Variants in CTNNA2 observed in about 807,000 individuals in gnomAD.
The protein encoded by CTNNA2 is catenin alpha-2.
A neutral mutation model predicts 101.0 loss-of-function variants in CTNNA2; 42 were observed. The observed-to-expected ratio is 0.42, with a 90% CI of 0.32 to 0.54. The LOEUF is 0.54. Among genes scored for constraint, CTNNA2 ranks in the 20% least tolerant of loss-of-function variants. CTNNA2 has a pLI of 0.14. For missense variants in CTNNA2, 871 were observed against 1,223.1 expected (o/e 0.71, Z 4.29); for synonymous variants, 450 against 456.4 (o/e 0.99, Z 0.18).
At chr2:79,220,253 T>C (rs543885767) in intron 2 of CTNNA2, among the ~76,000 whole-genome samples, 58 of 151,922 alleles carry the variant, frequency 3.8e-4, no homozygotes, top group African/African-American at 1.3e-3. Context: ...ATTCAAAGGG[T>C]GGGAAAATTA....
At chr2:79,936,467 G>T (rs916277805) in intron 7 of CTNNA2, among the ~76,000 whole-genome samples, 3 of 151,758 alleles carry the variant, frequency 2.0e-5, no homozygotes, top group Non-Finnish European at 4.4e-5. Context: ...TCCTCCTCTT[G>T]GCTCTTGCCT....
chr2:80,506,769 T>G (rs1688310982), intron 9 of CTNNA2, among the ~76,000 whole-genome samples: 1 of 152,120 alleles, frequency 6.6e-6, no homozygotes, highest in Admixed American at 6.6e-5. Flanking sequence ...GTGGGAGGGA[T>G]GGACAAGAGT....
chr2:79,964,307 C>T (rs530122371), intron 7 of CTNNA2, among the ~76,000 whole-genome samples: 2 of 152,152 alleles, frequency 1.3e-5, no homozygotes, highest in Middle Eastern at 3.4e-3. Flanking sequence ...TCATTTTTCA[C>T]ATGAGACAAC....
At chr2:80,237,102 C>T (rs1275389584) in intron 7 of CTNNA2, among the ~76,000 whole-genome samples, 2 of 152,102 alleles carry the variant, frequency 1.3e-5, no homozygotes, top group African/African-American at 2.4e-5. Flanking sequence ...TAACCTCATC[C>T]TTAGATCAGA....
chr2:80,411,901 T>C (rs7596244), intron 8 of CTNNA2, among the ~76,000 whole-genome samples: 6,209 of 152,304 alleles, frequency 0.041, 311 homozygotes, highest in African/African-American at 0.12. Context: ...ATTGCTATTA[T>C]GAAATATTAA....
At chr2:80,189,160 G>T (rs1167094758) in intron 7 of CTNNA2, among the ~76,000 whole-genome samples, 3 of 151,892 alleles carry the variant, frequency 2.0e-5, no homozygotes, top group Non-Finnish European at 4.4e-5. Flanking sequence ...CACCATGTTG[G>T]CCTGGCTGGT....
chr2:79,773,993 T>C (rs184767698), intron 3 of CTNNA2, among the ~76,000 whole-genome samples: 14 of 152,252 alleles, frequency 9.2e-5, no homozygotes, highest in Non-Finnish European at 1.6e-4. Flanking sequence ...TGCTACACCT[T>C]CCCCCATGAT....
chr2:80,627,340 A>T (rs2149820552), intron 18 of CTNNA2, among the ~76,000 whole-genome samples: 1 of 152,318 alleles, frequency 6.6e-6, no homozygotes, highest in East Asian at 1.9e-4. Context: ...CCAACATTGT[A>T]AAAGCGTTCC....
intron 7 of CTNNA2, among the ~76,000 whole-genome samples, chr2:79,952,692 G>A (rs959123967): frequency 6.6e-6 from 1 of 152,186 alleles, no homozygotes; most frequent in Non-Finnish European, 1.5e-5. Context: ...GGTGTTTCTT[G>A]TTATGTGAAA....
At chr2:80,091,358 A>G (rs1699778600) in intron 7 of CTNNA2, among the ~76,000 whole-genome samples, 1 of 152,104 alleles carries the variant, frequency 6.6e-6, no homozygotes, top group Non-Finnish European at 1.5e-5. Context: ...CTGTTATGAA[A>G]AGACATAATT....
intron 3 of CTNNA2, among the ~76,000 whole-genome samples, chr2:79,790,725 C>T (rs1675206856): frequency 6.6e-6 from 1 of 152,154 alleles, no homozygotes; most frequent in African/African-American, 2.4e-5. Flanking sequence ...CTGCTATTTT[C>T]TTCAACTTCC....
chr2:79,880,376 A>G (rs1003672606), intron 6 of CTNNA2, among the ~76,000 whole-genome samples: 4 of 152,186 alleles, frequency 2.6e-5, no homozygotes, highest in Non-Finnish European at 4.4e-5. Context: ...TGTTTGGAAT[A>G]GTTACAAAAG....
At chr2:79,597,200 C>G (rs1019831791) in intron 1 of CTNNA2, among the ~76,000 whole-genome samples, 4 of 152,112 alleles carry the variant, frequency 2.6e-5, no homozygotes, top group African/African-American at 9.7e-5. Context: ...CGTCCGGGCG[C>G]GGTGGCTCAC....
At chr2:79,350,487 A>G (rs1170146681) in intron 3 of CTNNA2, among the ~76,000 whole-genome samples, 1 of 152,322 alleles carries the variant, frequency 6.6e-6, no homozygotes, top group South Asian at 2.1e-4. Flanking sequence ...ATGGTTGCAT[A>G]GTATTCTATG....
intron 8 of CTNNA2, among the ~76,000 whole-genome samples, chr2:80,416,058 G>T (rs1680015738): frequency 6.6e-6 from 1 of 152,000 alleles, no homozygotes; most frequent in South Asian, 2.1e-4. Flanking sequence ...CTGGAGGTGG[G>T]GGTGGTGAAA....
chr2:80,359,105 T>G (rs1030408667), intron 7 of CTNNA2, among the ~76,000 whole-genome samples: 2 of 152,056 alleles, frequency 1.3e-5, no homozygotes, highest in Non-Finnish European at 2.9e-5. Flanking sequence ...CTGAGTATGA[T>G]GGCTCACACC....
At chr2:79,313,124 A>G (rs1191303951) in intron 3 of CTNNA2, among the ~76,000 whole-genome samples, 4 of 152,186 alleles carry the variant, frequency 2.6e-5, no homozygotes, top group African/African-American at 9.7e-5. Flanking sequence ...GCCCTCCAAC[A>G]GATGTAATAC....
chr2:79,344,791 A>G (rs57687273), intron 3 of CTNNA2, among the ~76,000 whole-genome samples: 17,444 of 146,898 alleles, frequency 0.12, 1,275 homozygotes, highest in East Asian at 0.34. Flanking sequence ...CTGAGAATCA[A>G]TTTCTCAGCT....
At chr2:80,543,249 T>C (rs1339267643) in intron 9 of CTNNA2, among the ~76,000 whole-genome samples, 1 of 152,186 alleles carries the variant, frequency 6.6e-6, no homozygotes, top group African/African-American at 2.4e-5. Context: ...GAGAAGACAT[T>C]ATGATATAAC....
Sources: allele counts gnomAD v4.1 joint callset (sites outside exome capture counted in the v4.1 genomes callset), GRCh38; gene constraint gnomAD v4.1.1; transcripts MANE v1.5; gene names NCBI Gene and HGNC (gene_info 2026-07-23, HGNC 2026-07-21).